Variants in MYO7B observed in about 807,000 individuals in gnomAD.
MYO7B encodes the protein myosin VIIB.
A neutral mutation model predicts 259.7 loss-of-function variants in MYO7B; 212 were observed. The ratio of observed to expected loss-of-function variants is 0.82; its 90% CI spans 0.73 to 0.91. MYO7B has a LOEUF of 0.91. MYO7B is among the 40% of genes least tolerant of loss of function. The probability of loss-of-function intolerance (pLI) is 0.00; values close to 1 mark genes in which losing one functional copy is unlikely to be tolerated. For missense variants in MYO7B, 2,732 were observed against 2,813.5 expected (o/e 0.97, Z 0.66); for synonymous variants, 1,197 against 1,166.4 (o/e 1.03, Z -0.54).
At position 127,580,768 on chromosome 2, in the gene MYO7B, C is replaced by T. The variant is rs61738426; in HGVS notation, c.1026C>T (p.Asp342=). 1,922 of 1,613,462 alleles carry T rather than the reference C, an allele frequency of 1.2e-3. 15 individuals carry two copies. In the African/African-American group the frequency reaches 0.022, roughly 18 times the overall value. ...GFMASVFENL[D]ASDVMETPAF... is the part of the protein sequence containing the mutation. ...TAGCTTCGGTCTTCGAGAACCTGGA[C>T]GCCTCAGACGTGATGGAGACGCCCG... The change falls in exon 10 of 48, where the codon GAC becomes GAT. Residue 342 remains aspartate, a synonymous_variant. Transcript: ENST00000409816.
At chr2:127,593,743 G>A in intron 18 of MYO7B, 99 bp downstream of exon 18, 1 of 1,103,298 alleles carries the variant, frequency 9.1e-7, no homozygotes, top group Non-Finnish European at 1.4e-6. Flanking sequence ...TGTGCCCTGA[G>A]CCAATGACAC....
At position 127,578,161 on chromosome 2, in the gene MYO7B, A is replaced by T; in HGVS notation, c.878A>T (p.Asn293Ile). 2 of 1,613,772 alleles carry T rather than the reference A, an allele frequency of 1.2e-6. No individual in the cohort carries two copies. Among genetic ancestry groups the T allele is most frequent in the Non-Finnish European group, 1.7e-6 (2 of 1,179,854 alleles). ...AACTGCACTTCCTGTGAGGGGCTCA[A>T]CGACGCCAAGGACTACGCCCACATC... ...MGNCTSCEGL[N>I]DAKDYAHIRS... The change falls in exon 9 of 48, where the codon AAC becomes ATC. Residue 293 changes from asparagine to isoleucine, a missense_variant. Physicochemically the swap from Asn to Ile is moderately radical, Grantham distance 149. Coordinates refer to ENST00000409816, the MANE Select transcript of MYO7B (RefSeq NM_001393586.1).
chr2:127,629,649 C>T lies in MYO7B; in HGVS notation c.4629C>T (p.Asp1543=). 2.5e-6 allele frequency: 4 copies of T among 1,611,868 alleles called. No homozygotes were observed. The highest frequency in any genetic ancestry group is 3.4e-6 in the Non-Finnish European group (4 of 1,179,330). Residue 1543 remains aspartate, a synonymous_variant, in exon 35 of 48, where the codon GAC becomes GAT. Transcript: ENST00000409816. ...ATAGCCTCCCTGCCCTTACAGATGA[C>T]ACCACCCTCCTGGCCTTCAAGAAGG... ...MALQDRKATD[D]TTLLAFKKGD...
rs1056648049 is a variant in MYO7B, at chr2:127,577,918, A to G, written c.850-215A>G. ...TCAGAGAAGAAGTGTGACTTGGCCAAGGTCACACAGTGGCCAAATGCTGGT... is the reference window on the plus strand; with the variant it reads ...TCAGAGAAGAAGTGTGACTTGGCCAGGGTCACACAGTGGCCAAATGCTGGT... On this transcript the variant is annotated intron_variant, in intron 8 of 47. Coordinates refer to ENST00000409816, the MANE Select transcript of MYO7B (RefSeq NM_001393586.1). The surrounding 1 kb of genome is among the most constrained non-coding windows in gnomAD (Gnocchi z 5.2). Among the ~76,000 whole-genome samples the G allele has an allele frequency of 6.6e-6, 1 of 152,234 alleles. No homozygotes were observed. The highest frequency in any genetic ancestry group is 2.4e-5 in the African/African-American group (1 of 41,458).
chr2:127,633,897 A>G (rs1285256626), intron 40 of MYO7B, among the ~76,000 whole-genome samples: 10 of 152,324 alleles, frequency 6.6e-5, no homozygotes, highest in Middle Eastern at 6.8e-3. Flanking sequence ...TGGCCTTGAT[A>G]TTCGGGTCCC....
Position 127,636,466 on chromosome 2 carries a change from G to C in MYO7B, c.6124-79G>C, listed in dbSNP as rs887129097. ...GGCGTGGGTGTATGTGTGTATGTGC[G>C]TGTGGCCTAGATGAGCTCCTGGGAG... is the stretch of plus-strand genomic sequence containing the variant. On this transcript the variant is annotated intron_variant, in intron 45 of 47. Transcript: ENST00000409816. The surrounding 1 kb of genome is among the most constrained non-coding windows in gnomAD (Gnocchi z 4.5). The C allele has an allele frequency of 1.4e-6, 2 of 1,462,730 alleles. No homozygotes were observed. Among genetic ancestry groups the C allele is most frequent in the African/African-American group, 2.8e-5 (2 of 71,290 alleles). 90.6% of individuals were successfully genotyped at this position (1,462,730 alleles called of 1,614,324 possible).
chr2:127,557,185 C>G (rs1314873792), intron 1 of MYO7B, among the ~76,000 whole-genome samples: 1 of 152,026 alleles, frequency 6.6e-6, no homozygotes, highest in Non-Finnish European at 1.5e-5. Flanking sequence ...TTGTTTGATT[C>G]TATTGCTGAG....
chr2:127,553,875 T>C (rs886559287), intron 1 of MYO7B, among the ~76,000 whole-genome samples: 10 of 152,154 alleles, frequency 6.6e-5, no homozygotes, highest in Non-Finnish European at 1.5e-4. Context: ...CCCCAATCAG[T>C]ATTATGTTGG....
At chr2:127,564,120 G>T in intron 2 of MYO7B, 33 bp from the exon 3 acceptor site, 1 of 1,412,794 alleles carries the variant, frequency 7.1e-7, no homozygotes, top group Non-Finnish European at 9.7e-7. Flanking sequence ...GAGAGAGCGG[G>T]GATCACACCA....
chr2:127,575,526 GA>G (rs928479563), intron 7 of MYO7B, among the ~76,000 whole-genome samples: 3 of 150,110 alleles, frequency 2.0e-5, no homozygotes, highest in African/African-American at 4.9e-5. Context: ...ATGTTTAGGT[GA>G]AAAAAAAGGA....
intron 1 of MYO7B, among the ~76,000 whole-genome samples, chr2:127,548,216 G>T (rs1489112107): frequency 1.3e-5 from 2 of 152,080 alleles, no homozygotes; most frequent in Non-Finnish European, 2.9e-5. Flanking sequence ...TGGTTAGCCT[G>T]ACAGAAGTTT....
rs1204351882 is a variant in MYO7B at position 127,592,740 on chromosome 2, G to A, written c.1993-54G>A. 4.5e-6 allele frequency: 7 copies of A among 1,571,400 alleles called. No individual in the cohort carries two copies. The East Asian group carries it at 1.2e-4, about 26-fold the overall frequency. ...CCCGGTGGTGGGGTGCCGGGAAGGGGGGTGGCTGGAAAGTGGGGCTTGCGC... is the reference window on the plus strand; with the variant it reads ...CCCGGTGGTGGGGTGCCGGGAAGGGAGGTGGCTGGAAAGTGGGGCTTGCGC... On this transcript the variant is annotated intron_variant, in intron 16 of 47. Coordinates refer to ENST00000409816, the MANE Select transcript of MYO7B (RefSeq NM_001393586.1).
At chr2:127,635,319 CCAG>C in intron 43 of MYO7B, 93 bp downstream of exon 43, 3 of 1,208,192 alleles carry the variant, frequency 2.5e-6, no homozygotes, top group Non-Finnish European at 3.6e-6. Flanking sequence ...CAGGGCAGGG[CCAG>C]CCTCAGCCCT....
intron 1 of MYO7B, among the ~76,000 whole-genome samples, chr2:127,536,880 C>T (rs1054683349): frequency 6.6e-6 from 1 of 152,230 alleles, no homozygotes; most frequent in African/African-American, 2.4e-5. Context: ...CAGATGCCAC[C>T]TCTAAGAGAA....
intron 1 of MYO7B, among the ~76,000 whole-genome samples, chr2:127,542,013 T>G (rs1693024998): frequency 6.6e-6 from 1 of 152,252 alleles, no homozygotes; most frequent in Non-Finnish European, 1.5e-5. Flanking sequence ...GATGGAGGAC[T>G]GTAACTTCTC....
Position 127,623,334 on chromosome 2 carries a change from G to T in MYO7B, c.3778G>T (p.Asp1260Tyr). Residue 1260 changes from aspartate to tyrosine, a missense_variant, in exon 29 of 48, where the codon GAC (aspartate) becomes TAC (tyrosine). Transcript: ENST00000409816. The part of the protein sequence containing the change: ...MHIAHKQGLS[D>Y]HLGFSLQVAV... ...CATCGCTCACAAGCAGGGCCTCAGC[G>T]ACCACCTGGGCTTCTCCCTCCAGGT... 1 of 1,609,140 alleles carries T rather than the reference G, an allele frequency of 6.2e-7. No individual in the cohort carries two copies.
At position 127,629,517 on chromosome 2, in the gene MYO7B, C is replaced by A. The variant is rs1376539192; in HGVS notation, c.4625-128C>A. On this transcript the variant is annotated intron_variant, in intron 34 of 47. Coordinates refer to ENST00000409816, the MANE Select transcript of MYO7B (RefSeq NM_001393586.1). Reference sequence around the variant, plus strand: ...GGTTCCAGTCCCACCATCGCTCACTCTTGGAGTGGTCTTCTGCCCACCACT... The same window carrying A: ...GGTTCCAGTCCCACCATCGCTCACTATTGGAGTGGTCTTCTGCCCACCACT... The A allele has an allele frequency of 1.8e-5, 16 of 906,758 alleles. No individual in the cohort carries two copies. The East Asian group carries it at 4.5e-4, about 26-fold the overall frequency. 56.2% of individuals were successfully genotyped at this position (906,758 alleles called of 1,614,324 possible). A position where few individuals can be genotyped will look rare whatever the true frequency, so the allele number is the denominator to read the frequency against.
intron 26 of MYO7B, among the ~76,000 whole-genome samples, chr2:127,617,000 A>G (rs1050346552): frequency 1.3e-5 from 2 of 152,238 alleles, no homozygotes; most frequent in Admixed American, 1.3e-4. Context: ...TCCTACATTT[A>G]TAACATTTTC....
At position 127,609,012 on chromosome 2, in the gene MYO7B, TC is replaced by T; in HGVS notation, c.2814+137del. 1 of 1,220,756 alleles carries T rather than the reference TC, an allele frequency of 8.2e-7. No homozygotes were observed. The highest frequency in any genetic ancestry group is 1.1e-6 in the Non-Finnish European group (1 of 885,580). The allele number at this position is 1,220,756 out of a possible 1,614,324, so 75.6% of individuals were successfully genotyped here. On this transcript the variant is annotated intron_variant, in intron 22 of 47. Coordinates refer to ENST00000409816, the MANE Select transcript of MYO7B (RefSeq NM_001393586.1). The surrounding 1 kb of genome is among the most constrained non-coding windows in gnomAD (Gnocchi z 6.9). ...CAAGTGTGTGCTGCAGCCCTGCTGG[TC>T]CCACACGGAAGAGGGGAGCGTGCGT...
Sources: gnomAD v4.1 joint callset for allele counts (sites outside exome capture counted in the v4.1 genomes callset) on GRCh38, gnomAD v4.1.1 for gene constraint, Gnocchi (gnomAD v3.1) non-coding constraint, MANE v1.5 for transcripts, NCBI Gene and HGNC (gene_info 2026-07-23, HGNC 2026-07-21) for gene names.